The following PRKN variants were observed in gnomAD, a reference collection of about 807,000 sequenced individuals.
PRKN encodes the protein parkin RBR E3 ubiquitin protein ligase, also known as E3 ubiquitin-protein ligase parkin.
A neutral mutation model predicts 59.5 loss-of-function variants in PRKN; 56 were observed. The observed-to-expected ratio is 0.94, with a 90% CI of 0.76 to 1.18. The LOEUF is 1.18. Among genes scored for constraint, PRKN ranks in the 50% most tolerant of loss-of-function variants. PRKN has a pLI of 0.00. For missense variants in PRKN, 657 were observed against 596.4 expected (o/e 1.10, Z -1.06); for synonymous variants, 250 against 222.1 (o/e 1.13, Z -1.12).
At chr6:162,364,972 TCTCTC>T (rs1785350795) in intron 2 of PRKN, among the ~76,000 whole-genome samples, 1 of 145,472 alleles carries the variant, frequency 6.9e-6, no homozygotes, top group African/African-American at 2.6e-5. Context: ...CCTCTCTCTC[TCTCTC>T]TCTTTTTTTT....
chr6:162,423,649 C>A (rs1403199670), intron 2 of PRKN, among the ~76,000 whole-genome samples: 1 of 152,136 alleles, frequency 6.6e-6, no homozygotes, highest in Admixed American at 6.5e-5. Flanking sequence ...CCTCTATTCT[C>A]TTACCACTTA....
At chr6:161,765,042 T>C (rs1405900691) in intron 7 of PRKN, among the ~76,000 whole-genome samples, 2 of 152,246 alleles carry the variant, frequency 1.3e-5, no homozygotes, top group African/African-American at 4.8e-5. Context: ...TGGTTAAATA[T>C]GTAATTGGGT....
At chr6:162,336,938 T>A (rs905915788) in intron 2 of PRKN, among the ~76,000 whole-genome samples, 1 of 152,196 alleles carries the variant, frequency 6.6e-6, no homozygotes, top group Non-Finnish European at 1.5e-5. Flanking sequence ...TACTCTCAGA[T>A]AAGGATATCC....
chr6:161,653,100 A>G (rs1302802303), intron 7 of PRKN, among the ~76,000 whole-genome samples: 1 of 152,212 alleles, frequency 6.6e-6, no homozygotes, highest in Non-Finnish European at 1.5e-5. Context: ...GCGGTGGCTT[A>G]TGCCTGTAAT....
intron 4 of PRKN, among the ~76,000 whole-genome samples, chr6:162,162,115 C>T (rs1372970950): frequency 6.6e-6 from 1 of 152,180 alleles, no homozygotes; most frequent in African/African-American, 2.4e-5. Flanking sequence ...CAGAGTCTCA[C>T]TCTGTCGCCC....
intron 2 of PRKN, among the ~76,000 whole-genome samples, chr6:162,406,299 T>C (rs1201814729): frequency 1.3e-5 from 2 of 151,876 alleles, no homozygotes; most frequent in Non-Finnish European, 2.9e-5. Flanking sequence ...GGAACTAGAG[T>C]TCAAGTCCAA....
intron 6 of PRKN, among the ~76,000 whole-genome samples, chr6:161,947,002 T>G (rs1779808126): frequency 6.6e-6 from 1 of 152,082 alleles, no homozygotes; most frequent in African/African-American, 2.4e-5. Context: ...AAGAGTAATA[T>G]TCTATGTATC....
At chr6:161,685,539 T>C (rs1785521668) in intron 7 of PRKN, among the ~76,000 whole-genome samples, 1 of 152,218 alleles carries the variant, frequency 6.6e-6, no homozygotes, top group Non-Finnish European at 1.5e-5. Context: ...GGCCCTAGTA[T>C]GGTTTCTCTC....
At chr6:162,487,102 GA>G (rs1792583274) in intron 1 of PRKN, among the ~76,000 whole-genome samples, 1 of 151,830 alleles carries the variant, frequency 6.6e-6, no homozygotes, top group Admixed American at 6.6e-5. Flanking sequence ...AGATTTTAAG[GA>G]AAAAAACGCA....
intron 1 of PRKN, among the ~76,000 whole-genome samples, chr6:162,629,317 T>C (rs183850240): frequency 3.3e-5 from 5 of 152,292 alleles, no homozygotes; most frequent in African/African-American, 9.6e-5. Flanking sequence ...TACATAATGC[T>C]TGACCATATG....
intron 1 of PRKN, among the ~76,000 whole-genome samples, chr6:162,481,615 C>T (rs147912542): frequency 3.3e-5 from 5 of 152,230 alleles, no homozygotes; most frequent in Non-Finnish European, 7.3e-5. Context: ...CTGCTGCGTG[C>T]CATTAGTGCC....
rs1791317280 is a variant in PRKN, at chr6:161,480,106, T to C, written c.1083+68748A>G. On this transcript the variant is annotated intron_variant, in intron 9 of 11. Coordinates refer to ENST00000366898, the MANE Select transcript of PRKN (RefSeq NM_004562.3). The surrounding 1 kb of genome is among the most constrained non-coding windows in gnomAD (Gnocchi z 4.1). Reference sequence around the variant, plus strand: ...CTTCAGCCGTGTGCAGGCCATAGCATGAGCGAGAAATGAACTTTTGTTGGG... The same window carrying C: ...CTTCAGCCGTGTGCAGGCCATAGCACGAGCGAGAAATGAACTTTTGTTGGG... Among the ~76,000 whole-genome samples, 1 of 152,206 alleles carries C rather than the reference T, an allele frequency of 6.6e-6. No homozygotes were observed. Among genetic ancestry groups the C allele is most frequent in the African/African-American group, 2.4e-5 (1 of 41,456 alleles).
intron 9 of PRKN, among the ~76,000 whole-genome samples, chr6:161,441,609 C>A (rs1004435385): frequency 6.9e-6 from 1 of 145,704 alleles, no homozygotes; most frequent in African/African-American, 2.6e-5. Flanking sequence ...CATGCCACTG[C>A]ACTCCAGCCT....
Position 162,581,229 on chromosome 6 carries a change from C to T in PRKN, c.8-137756G>A, listed in dbSNP as rs149684513. 3.9e-5 allele frequency among the ~76,000 whole-genome samples: 6 copies of T among 152,234 alleles called. No homozygotes were observed. In the East Asian group the frequency reaches 1.2e-3, roughly 29 times the overall value. Reference sequence around the variant, plus strand: ...GAGGTTAAGTGAAGGTCAAAAGAGACAGTTAGATTCATTCATAAGCAATTT... The same window carrying T: ...GAGGTTAAGTGAAGGTCAAAAGAGATAGTTAGATTCATTCATAAGCAATTT... On this transcript the variant is annotated intron_variant, in intron 1 of 11. Transcript: ENST00000366898.
In PRKN at chr6:162,251,768, T is replaced by C. The variant is rs6941687; in HGVS notation, c.412+10757A>G. On this transcript the variant is annotated intron_variant, in intron 3 of 11. Coordinates refer to ENST00000366898, the MANE Select transcript of PRKN (RefSeq NM_004562.3). ...TCACAAACTACTCAGTAATTTGGAA[T>C]TGAATTTTGTCATGTGGTGTCTTTC... 1.8e-3 allele frequency among the ~76,000 whole-genome samples: 275 copies of C among 152,342 alleles called. 1 individual carries two copies. Among genetic ancestry groups the C allele is most frequent in the African/African-American group, 6.2e-3 (258 of 41,582 alleles).
At chr6:161,781,585 G>T (rs1790207511) in intron 7 of PRKN, among the ~76,000 whole-genome samples, 1 of 152,180 alleles carries the variant, frequency 6.6e-6, no homozygotes, top group South Asian at 2.1e-4. Flanking sequence ...CAAGGAGGTT[G>T]TTAGTTATCT....
intron 1 of PRKN, among the ~76,000 whole-genome samples, chr6:162,555,355 TA>T (rs533222530): frequency 1.3e-5 from 2 of 152,126 alleles, no homozygotes; most frequent in African/African-American, 4.8e-5. Context: ...ATTTAAAAGT[TA>T]AAAAAATTCC....
intron 6 of PRKN, among the ~76,000 whole-genome samples, chr6:161,787,895 G>C (rs779283403): frequency 2.6e-5 from 4 of 152,196 alleles, no homozygotes; most frequent in Non-Finnish European, 5.9e-5. Context: ...AGCCGAGATC[G>C]CACCACTGCA....
intron 6 of PRKN, among the ~76,000 whole-genome samples, chr6:161,879,472 C>T (rs546799221): frequency 2.0e-5 from 3 of 151,902 alleles, no homozygotes; most frequent in South Asian, 2.1e-4. Flanking sequence ...CTCAGTCTCC[C>T]GAGTAGCTGG....
Sources: allele counts gnomAD v4.1 joint callset (sites outside exome capture counted in the v4.1 genomes callset), GRCh38; gene constraint gnomAD v4.1.1; non-coding constraint Gnocchi (gnomAD v3.1); transcripts MANE v1.5; gene names NCBI Gene and HGNC (gene_info 2026-07-23, HGNC 2026-07-21).